DZIP3: variants seen among roughly 807,000 people sequenced by gnomAD.
DZIP3 encodes the protein DAZ interacting zinc finger protein 3, also known as E3 ubiquitin-protein ligase DZIP3.
A neutral mutation model predicts 162.0 loss-of-function variants in DZIP3; 118 were observed. The observed-to-expected ratio is 0.73, with a 90% CI of 0.63 to 0.85. The LOEUF (loss-of-function observed/expected upper bound fraction) is 0.85, where lower values mean the gene tolerates loss of function less well. Ranked by LOEUF, DZIP3 falls within the 40% of genes least tolerant of loss-of-function variation. The probability of loss-of-function intolerance (pLI) is 0.00; values close to 1 mark genes in which losing one functional copy is unlikely to be tolerated. For missense variants in DZIP3, 1,331 were observed against 1,407.0 expected, an observed-to-expected ratio of 0.95 and a Z score of 0.86; for synonymous variants, 438 against 458.6, an observed-to-expected ratio of 0.96 and a Z score of 0.57.
chr3:108,611,204 C>A lies in DZIP3; in HGVS notation c.133C>A (p.Leu45Ile), dbSNP rs1940686858. Residue 45 changes from leucine (L) to isoleucine (I), a missense_variant, in exon 4 of 33, where the codon CTT becomes ATT. Coordinates refer to ENST00000361582, the MANE Select transcript of DZIP3 (RefSeq NM_014648.4). ...NKQENDIPTD[L>I]VPVNLLLEVK... ...ACAGGAAAATGACATACCTACTGATCTTGTCCCTGTTAACCTACTATTAGA... is the reference window on the plus strand; with the variant it reads ...ACAGGAAAATGACATACCTACTGATATTGTCCCTGTTAACCTACTATTAGA... 2 of 1,605,246 alleles carry A rather than the reference C, an allele frequency of 1.2e-6. No homozygotes were observed. Among genetic ancestry groups the A allele is most frequent in the South Asian group, 2.3e-5 (2 of 88,572 alleles).
At chr3:108,611,140 A>G (rs1940682272) in intron 3 of DZIP3, 34 bp from the exon 4 acceptor site, 1 of 1,540,986 alleles carries the variant, frequency 6.5e-7, no homozygotes, top group South Asian at 1.3e-5. Flanking sequence ...GAATATGCAA[A>G]CTGTGTAAAT....
intron 28 of DZIP3, 79 bp from the exon 29 acceptor site, chr3:108,687,897 A>T: frequency 6.4e-7 from 1 of 1,571,442 alleles, no homozygotes; most frequent in Non-Finnish European, 8.7e-7. Context: ...ATAGGATTTT[A>T]TATCTCCTTT....
chr3:108,591,314 C>G (rs1181391477), intron 1 of DZIP3, among the ~76,000 whole-genome samples: 1 of 152,200 alleles, frequency 6.6e-6, no homozygotes. Flanking sequence ...AAAGTGTCAG[C>G]TGTCATCTGG....
chr3:108,600,615 T>A (rs578217940), intron 1 of DZIP3, among the ~76,000 whole-genome samples: 40 of 152,278 alleles, frequency 2.6e-4, no homozygotes, highest in Admixed American at 3.9e-4. Flanking sequence ...TCCTTCACAG[T>A]AGGGAATTAG....
chr3:108,671,640 C>T lies in DZIP3; in HGVS notation c.2493-920C>T, dbSNP rs151002646. On this transcript the variant is annotated intron_variant, in intron 22 of 32. Transcript: ENST00000361582. ...CAAATATTTTAATGCAGTAACTTCA[C>T]GTAATGACGGGGATAATAAAAACCT... Among the ~76,000 whole-genome samples the T allele has an allele frequency of 4.3e-4, 66 of 151,956 alleles. No individual in the cohort carries two copies. The East Asian group carries it at 6.4e-3, about 15-fold the overall frequency.
At chr3:108,624,974 T>G (rs1427909740) in intron 6 of DZIP3, among the ~76,000 whole-genome samples, 1 of 152,170 alleles carries the variant, frequency 6.6e-6, no homozygotes, top group Non-Finnish European at 1.5e-5. Context: ...AATCTGTATT[T>G]CTGACTTCAT....
At chr3:108,623,112 A>T (rs1941441338) in intron 5 of DZIP3, among the ~76,000 whole-genome samples, 1 of 151,678 alleles carries the variant, frequency 6.6e-6, no homozygotes, top group African/African-American at 2.4e-5. Flanking sequence ...GCCAGACAGG[A>T]CTTGAAGTCT....
intron 18 of DZIP3, among the ~76,000 whole-genome samples, chr3:108,653,644 C>T (rs943913334): frequency 6.6e-6 from 1 of 150,770 alleles, no homozygotes; most frequent in African/African-American, 2.4e-5. Context: ...ACAAAAGAAA[C>T]CTCCATTTTA....
intron 31 of DZIP3, among the ~76,000 whole-genome samples, chr3:108,689,407 G>C (rs1944611057): frequency 6.6e-6 from 1 of 152,218 alleles, no homozygotes; most frequent in African/African-American, 2.4e-5. Context: ...AAAAATGTGA[G>C]GCATGGTGGC....
In DZIP3 at chr3:108,654,254, A is replaced by G; in HGVS notation, c.2143A>G (p.Met715Val). The change falls in exon 19 of 33, where the codon ATG (methionine) becomes GTG (valine). Residue 715 changes from methionine (M) to valine (V), a missense_variant. Coordinates refer to ENST00000361582, the MANE Select transcript of DZIP3 (RefSeq NM_014648.4). Reference protein sequence around the residue: ...DASDVQEDSAMEDKFYSLDEL... With the variant: ...DASDVQEDSAVEDKFYSLDEL... ...AAGTGATGTTCAAGAGGATTCTGCAATGGAAGACAAGTTCTATAGCCTGGA... is the reference window on the plus strand; with the variant it reads ...AAGTGATGTTCAAGAGGATTCTGCAGTGGAAGACAAGTTCTATAGCCTGGA... The G allele has an allele frequency of 6.2e-7, 1 of 1,613,884 alleles. No individual in the cohort carries two copies. The highest frequency in any genetic ancestry group is 8.5e-7 in the Non-Finnish European group (1 of 1,179,772).
chr3:108,669,698 A>G lies in DZIP3; in HGVS notation c.2441A>G (p.His814Arg), dbSNP rs746077302. The G allele has an allele frequency of 6.2e-7, 1 of 1,611,310 alleles. No individual in the cohort carries two copies. Among genetic ancestry groups the G allele is most frequent in the Non-Finnish European group, 8.5e-7 (1 of 1,178,356 alleles). ...TTGCTTAGATTACAGCGTCAAATCC[A>G]TGCTAAAGATAATGAAATCAAGAAC... ...NKVSKLQRQI[H>R]AKDNEIKNLK... Residue 814 changes from histidine (H) to arginine (R), a missense_variant, in exon 22 of 33, where the codon CAT becomes CGT. Transcript: ENST00000361582.
intron 7 of DZIP3, among the ~76,000 whole-genome samples, chr3:108,627,241 TCTTTA>T (rs1262489552): frequency 2.0e-5 from 3 of 152,224 alleles, no homozygotes; most frequent in Non-Finnish European, 4.4e-5. Context: ...TGTTTTATTC[TCTTTA>T]CTGATGAGCA....
intron 5 of DZIP3, among the ~76,000 whole-genome samples, chr3:108,620,966 C>T (rs759873146): frequency 1.2e-4 from 18 of 152,140 alleles, no homozygotes; most frequent in South Asian, 8.3e-4. Flanking sequence ...GGACTACAGG[C>T]GCGTGCCACC....
Position 108,632,980 on chromosome 3 carries a change from A to G in DZIP3, c.724A>G (p.Thr242Ala). 1 of 1,447,050 alleles carries G rather than the reference A, an allele frequency of 6.9e-7. No individual in the cohort carries two copies. Among genetic ancestry groups the G allele is most frequent in the Non-Finnish European group, 9.3e-7 (1 of 1,077,550 alleles). 89.6% of individuals were successfully genotyped at this position (1,447,050 alleles called of 1,614,324 possible). The part of the protein sequence containing the change: ...KDLLNNFIKT[T>A]ESNIMKQTIC... ...TCTTCTTAATAATTTTATCAAGACA[A>G]CTGAAAGCAATATAATGAAGCAGAC... Residue 242 changes from threonine (T) to alanine (A), a missense_variant, in exon 9 of 33, where the codon ACT becomes GCT. This residue lies in a region of DZIP3 where 1,278 missense variants were observed against 1,317.1 expected (regional missense o/e 0.97). Coordinates refer to ENST00000361582, the MANE Select transcript of DZIP3 (RefSeq NM_014648.4).
chr3:108,689,297 A>G (rs1168752637), intron 31 of DZIP3, among the ~76,000 whole-genome samples: 1 of 152,236 alleles, frequency 6.6e-6, no homozygotes, highest in Non-Finnish European at 1.5e-5. Flanking sequence ...TTTGTCCATA[A>G]TTAATGACAG....
At chr3:108,652,682 T>C (rs76912027) in intron 18 of DZIP3, among the ~76,000 whole-genome samples, 2,894 of 152,048 alleles carry the variant, frequency 0.019, 99 homozygotes, top group African/African-American at 0.067. Context: ...CCCAGAGCAC[T>C]GTCCAGTCCT....
chr3:108,607,531 A>G (rs2107490360), intron 2 of DZIP3, among the ~76,000 whole-genome samples: 1 of 152,308 alleles, frequency 6.6e-6, no homozygotes, highest in African/African-American at 2.4e-5. Flanking sequence ...TCAGTTCAGT[A>G]TATAATACTG....
intron 21 of DZIP3, 47 bp downstream of exon 21, chr3:108,662,304 C>G (rs1310128485): frequency 6.5e-7 from 1 of 1,544,028 alleles, no homozygotes; most frequent in East Asian, 2.3e-5. Context: ...CCGTAATAAA[C>G]AGTATCTTTA....
At position 108,608,100 on chromosome 3, in the gene DZIP3, T is replaced by C. The variant is rs779654442; in HGVS notation, c.44T>C (p.Val15Ala). 1.3e-5 allele frequency: 21 copies of C among 1,612,940 alleles called. No homozygotes were observed. The South Asian group carries it at 2.3e-4, about 18-fold the overall frequency. The change falls in exon 3 of 33, where the codon GTG (valine) becomes GCG (alanine). Residue 15 changes from valine (V) to alanine (A), a missense_variant. Val to Ala is a moderately conservative substitution (Grantham distance 64). This residue lies in a region of DZIP3 where 1,278 missense variants were observed against 1,317.1 expected (regional missense o/e 0.97). Transcript: ENST00000361582. ...PDEFFVRHPA[V>A]EDQRKEETEN... ...TTCATTTAAAATAGGCATCCTGCTGTGGAGGATCAGAGGAAGGAAGAAACT... is the reference window on the plus strand; with the variant it reads ...TTCATTTAAAATAGGCATCCTGCTGCGGAGGATCAGAGGAAGGAAGAAACT...
Sources: allele counts gnomAD v4.1 joint callset (sites outside exome capture counted in the v4.1 genomes callset), GRCh38; gene constraint gnomAD v4.1.1; regional missense constraint gnomAD v4.1.1; transcripts MANE v1.5; gene names NCBI Gene and HGNC (gene_info 2026-07-23, HGNC 2026-07-21).